RASGRF2: variants seen among roughly 807,000 people sequenced by gnomAD.
RASGRF2 encodes Ras protein specific guanine nucleotide releasing factor 2.
A neutral mutation model predicts 151.0 loss-of-function variants in RASGRF2; 76 were observed. The observed-to-expected ratio is 0.50, with a 90% CI of 0.42 to 0.61. The LOEUF is 0.61. Among genes scored for constraint, RASGRF2 ranks in the 20% least tolerant of loss-of-function variants. RASGRF2 has a pLI of 0.00. For missense variants in RASGRF2, 1,148 were observed against 1,564.6 expected (o/e 0.73, Z 4.49); for synonymous variants, 504 against 566.5 (o/e 0.89, Z 1.57).
intron 17 of RASGRF2, among the ~76,000 whole-genome samples, chr5:81,141,208 C>T (rs920815053): frequency 2.6e-5 from 4 of 152,162 alleles, no homozygotes; most frequent in African/African-American, 9.7e-5. Context: ...TCCAGAGACA[C>T]TCCTAAATAT....
intron 12 of RASGRF2, among the ~76,000 whole-genome samples, chr5:81,107,536 C>T (rs1282085625): frequency 6.6e-6 from 1 of 152,166 alleles, no homozygotes; most frequent in Non-Finnish European, 1.5e-5. Flanking sequence ...TTTGAGTTGA[C>T]TACTCCACAG....
chr5:81,103,485 T>A (rs1316441773), intron 12 of RASGRF2, among the ~76,000 whole-genome samples: 2 of 152,032 alleles, frequency 1.3e-5, no homozygotes, highest in African/African-American at 4.8e-5. Flanking sequence ...TATACATTTC[T>A]GGAATGAGAA....
At chr5:81,202,695 G>A (rs928293678) in intron 19 of RASGRF2, among the ~76,000 whole-genome samples, 1 of 152,274 alleles carries the variant, frequency 6.6e-6, no homozygotes. Context: ...CTGGAGTAGG[G>A]TGGAGGTATT....
chr5:81,064,879 T>C (rs2112445714), intron 2 of RASGRF2, among the ~76,000 whole-genome samples: 1 of 152,324 alleles, frequency 6.6e-6, no homozygotes, highest in East Asian at 1.9e-4. Context: ...AAAGAGTTAC[T>C]GAAGATATCA....
At chr5:81,146,707 C>T (rs547447115) in intron 17 of RASGRF2, among the ~76,000 whole-genome samples, 1 of 152,232 alleles carries the variant, frequency 6.6e-6, no homozygotes, top group South Asian at 2.1e-4. Flanking sequence ...CCACTGACCT[C>T]GCTACCCTGC....
At chr5:81,004,165 C>A (rs1319668170) in intron 1 of RASGRF2, among the ~76,000 whole-genome samples, 3 of 152,194 alleles carry the variant, frequency 2.0e-5, no homozygotes, top group Non-Finnish European at 4.4e-5. Context: ...AGCCTAAGAG[C>A]ATGTAAGGTT....
intron 17 of RASGRF2, among the ~76,000 whole-genome samples, chr5:81,155,228 T>C (rs1754233126): frequency 6.6e-6 from 1 of 152,214 alleles, no homozygotes; most frequent in South Asian, 2.1e-4. Context: ...GAATCAGTCA[T>C]TTAAGTTTCC....
intron 25 of RASGRF2, 101 bp downstream of exon 25, chr5:81,217,574 CTT>C (rs71603577): frequency 0.024 from 4,352 of 180,356 alleles, 39 homozygotes; most frequent in South Asian, 0.045. Flanking sequence ...TTTTTCTCTT[CTT>C]TTTTTTTTTT....
chr5:81,080,320 G>A, intron 6 of RASGRF2, 120 bp downstream of exon 6: 1 of 1,497,404 alleles, frequency 6.7e-7, no homozygotes, highest in Non-Finnish European at 8.9e-7. Flanking sequence ...GTGAGCTTCT[G>A]TATCCCGGGA....
chr5:80,991,744 A>G (rs1748657793), intron 1 of RASGRF2, among the ~76,000 whole-genome samples: 2 of 152,234 alleles, frequency 1.3e-5, no homozygotes, highest in Admixed American at 1.3e-4. Context: ...TTATTTTTAA[A>G]ATATTTTTCT....
At chr5:81,199,908 A>AAG (rs2112711614) in intron 18 of RASGRF2, among the ~76,000 whole-genome samples, 1 of 151,040 alleles carries the variant, frequency 6.6e-6, no homozygotes, top group South Asian at 2.1e-4. Context: ...AAAAAAAAAA[A>AAG]AAAAAAGAAA....
At chr5:81,024,748 T>TG (rs1367030619) in intron 1 of RASGRF2, among the ~76,000 whole-genome samples, 25 of 152,342 alleles carry the variant, frequency 1.6e-4, no homozygotes, top group Admixed American at 1.6e-3. Flanking sequence ...GATGAAGTCT[T>TG]GGGCAGGCCC....
rs757607227 is a variant in RASGRF2, at chr5:81,145,103, G to A, written c.2686+17940G>A. Among the ~76,000 whole-genome samples the A allele has an allele frequency of 4.6e-5, 7 of 152,110 alleles. No homozygotes were observed. The South Asian group carries it at 6.2e-4, about 14-fold the overall frequency. The stretch of plus-strand genomic sequence containing the variant: ...ACTAAAAATAGAAAATTAGCTGGGT[G>A]TGGTGGCATACATCTGTAATCCCAG... On this transcript the variant is annotated intron_variant, in intron 17 of 26. Coordinates refer to ENST00000265080, the MANE Select transcript of RASGRF2 (RefSeq NM_006909.3).
chr5:81,090,914 C>G (rs1752371816), intron 9 of RASGRF2, among the ~76,000 whole-genome samples: 1 of 152,106 alleles, frequency 6.6e-6, no homozygotes, highest in Non-Finnish European at 1.5e-5. Flanking sequence ...GAAAATGACT[C>G]CCAGAGCTAT....
rs562325451 is a variant in RASGRF2 at position 81,129,148 on chromosome 5, A to C, written c.2686+1985A>C. On this transcript the variant is annotated intron_variant, in intron 17 of 26. Transcript: ENST00000265080. ...GTCTCAAAAGTAAATAAGTAAATAA[A>C]TAAATAATAAATCTGTAAGTGGTTT... 1.3e-3 allele frequency among the ~76,000 whole-genome samples: 197 copies of C among 152,318 alleles called. 3 individuals are homozygous for C. Among genetic ancestry groups the C allele is most frequent in the Non-Finnish European group, 1.7e-3 (113 of 68,028 alleles).
intron 17 of RASGRF2, among the ~76,000 whole-genome samples, chr5:81,179,846 C>T (rs1273979456): frequency 6.6e-6 from 1 of 152,148 alleles, no homozygotes; most frequent in Non-Finnish European, 1.5e-5. Flanking sequence ...GACTCAAATA[C>T]TTGGTTAAGA....
intron 10 of RASGRF2, among the ~76,000 whole-genome samples, chr5:81,093,722 T>C (rs1752457741): frequency 6.6e-6 from 1 of 152,222 alleles, no homozygotes; most frequent in African/African-American, 2.4e-5. Context: ...TGTGAGCCAC[T>C]GTGCCTGGCC....
At chr5:81,038,140 T>A (rs184106153) in intron 1 of RASGRF2, among the ~76,000 whole-genome samples, 7 of 152,350 alleles carry the variant, frequency 4.6e-5, no homozygotes, top group Non-Finnish European at 7.4e-5. Flanking sequence ...GACATTTGGA[T>A]TGATTCCAGT....
chr5:81,159,065 T>C (rs1232104051), intron 17 of RASGRF2, among the ~76,000 whole-genome samples: 1 of 152,218 alleles, frequency 6.6e-6, no homozygotes, highest in African/African-American at 2.4e-5. Context: ...AATGAATGGA[T>C]AGTCAAATGT....
Sources: allele counts gnomAD v4.1 joint callset (sites outside exome capture counted in the v4.1 genomes callset), GRCh38; gene constraint gnomAD v4.1.1; transcripts MANE v1.5; gene names NCBI Gene and HGNC (gene_info 2026-07-23, HGNC 2026-07-21).